Variants in PLCZ1 observed in about 807,000 individuals in gnomAD.
The protein encoded by PLCZ1 is phospholipase C zeta 1, also known as 1-phosphatidylinositol 4,5-bisphosphate phosphodiesterase zeta-1.
Under a neutral mutation model 76.8 loss-of-function variants are expected in PLCZ1, and 64 were observed. The observed-to-expected ratio is 0.83, with a 90% CI of 0.68 to 1.03. The LOEUF (loss-of-function observed/expected upper bound fraction) is 1.03. Among genes scored for constraint, PLCZ1 ranks in the 50% least tolerant of loss-of-function variants. PLCZ1 has a pLI of 0.00. For missense variants in PLCZ1, 751 were observed against 713.7 expected, an observed-to-expected ratio of 1.05 and a Z score of -0.60; for synonymous variants, 248 against 230.8, an observed-to-expected ratio of 1.07 and a Z score of -0.68.
intron 7 of PLCZ1, among the ~76,000 whole-genome samples, chr12:18,704,831 GTCTAGAACTTTTGCCACTT>G (rs778294352): frequency 3.0e-4 from 45 of 152,260 alleles, no homozygotes; most frequent in Non-Finnish European, 5.3e-4. Context: ...ACTATTTATA[GTCTAGAACTTTTGCCACTT>G]TCTAGGACTT....
chr12:18,691,850 A>G (rs189406041), intron 12 of PLCZ1, among the ~76,000 whole-genome samples: 1 of 152,270 alleles, frequency 6.6e-6, no homozygotes, highest in African/African-American at 2.4e-5. Flanking sequence ...AAAGCCAGCT[A>G]CATACTTCAC....
chr12:18,692,819 G>C (rs1954328133), intron 12 of PLCZ1: 1 of 1,554,590 alleles, frequency 6.4e-7, no homozygotes, highest in African/African-American at 1.4e-5. Flanking sequence ...AGGATGACAA[G>C]CTCTAACAAC....
At chr12:18,656,342 C>A in the PLCZ1 span, among the ~76,000 whole-genome samples, 1 of 152,270 alleles carries the variant, frequency 6.6e-6, no homozygotes, top group East Asian at 1.9e-4. Flanking sequence ...CTTTAGGAGG[C>A]TGAGGCGGGT....
At chr12:18,720,473 T>A (rs1958374941) in intron 4 of PLCZ1, among the ~76,000 whole-genome samples, 1 of 151,138 alleles carries the variant, frequency 6.6e-6, no homozygotes, top group African/African-American at 2.4e-5. Flanking sequence ...AAAATATCTA[T>A]CAAGCAGAAG....
chr12:18,667,867 G>A, the PLCZ1 span, among the ~76,000 whole-genome samples: 1 of 152,146 alleles, frequency 6.6e-6, no homozygotes, highest in Non-Finnish European at 1.5e-5. Flanking sequence ...TAAGAGGAGA[G>A]ATTCTGCCCA....
chr12:18,672,459 G>GA, the PLCZ1 span, among the ~76,000 whole-genome samples: 19 of 151,456 alleles, frequency 1.3e-4, no homozygotes, highest in African/African-American at 2.9e-4. Context: ...CAAATGACTT[G>GA]AAAAAAAACT....
intron 3 of PLCZ1, 73 bp from the exon 4 acceptor site, chr12:18,723,615 T>C (rs1958583316): frequency 2.7e-6 from 3 of 1,115,902 alleles, no homozygotes; most frequent in Non-Finnish European, 4.0e-6. Context: ...AGAGTATTTA[T>C]GTAACATGTA....
At chr12:18,706,170 T>G (rs1237900026) in intron 6 of PLCZ1, among the ~76,000 whole-genome samples, 3 of 151,508 alleles carry the variant, frequency 2.0e-5, no homozygotes, top group Non-Finnish European at 2.9e-5. Flanking sequence ...AGGTGGAGGT[T>G]GCAGTGAGCC....
the PLCZ1 span, among the ~76,000 whole-genome samples, chr12:18,655,519 A>G: frequency 2.0e-5 from 3 of 152,190 alleles, no homozygotes; most frequent in Non-Finnish European, 4.4e-5. Flanking sequence ...TTCCTTACAT[A>G]TGAGCTATGC....
the PLCZ1 span, among the ~76,000 whole-genome samples, chr12:18,657,475 C>A: frequency 6.6e-6 from 1 of 152,140 alleles, no homozygotes. Context: ...TGAAGGCATG[C>A]CTCAACATTC....
At chr12:18,667,127 A>C in the PLCZ1 span, among the ~76,000 whole-genome samples, 4 of 152,222 alleles carry the variant, frequency 2.6e-5, no homozygotes, top group African/African-American at 4.8e-5. Context: ...AAGGCATTTC[A>C]GTATATTGAA....
chr12:18,671,164 G>A, the PLCZ1 span, among the ~76,000 whole-genome samples: 1 of 149,360 alleles, frequency 6.7e-6, no homozygotes, highest in Non-Finnish European at 1.5e-5. Context: ...CCTCCAGCCC[G>A]GGTGACAGGG....
chr12:18,719,314 A>T (rs1958296836), intron 5 of PLCZ1, 117 bp downstream of exon 5: 4 of 527,100 alleles, frequency 7.6e-6, no homozygotes, highest in Non-Finnish European at 1.2e-5. Flanking sequence ...ATTCCCTATG[A>T]GTTTGGATAA....
At chr12:18,679,730 C>T (rs886333032), downstream of PLCZ1, among the ~76,000 whole-genome samples, 7 of 151,772 alleles carry the variant, frequency 4.6e-5, no homozygotes, top group Non-Finnish European at 7.4e-5. Flanking sequence ...GACTGCCCTG[C>T]GAGAAGAATG....
rs1371937280 is a variant in PLCZ1 at position 18,713,102 on chromosome 12, TA to T, written c.570-117del. The T allele has an allele frequency of 6.7e-6, 9 of 1,336,404 alleles. No individual in the cohort carries two copies. In the African/African-American group the frequency reaches 1.3e-4, roughly 20 times the overall value. The allele number at this position is 1,336,404 out of a possible 1,614,324, so 82.8% of individuals were successfully genotyped here. On this transcript the variant is annotated intron_variant, in intron 5 of 14. Coordinates refer to ENST00000266505, the MANE Select transcript of PLCZ1 (RefSeq NM_033123.4). The stretch of plus-strand genomic sequence containing the variant: ...TATAATAAATGCATAAATGAGTCCA[TA>T]AAACTCTATAAAAACTTGTCTTTGG...
At chr12:18,736,927 G>A (rs759187740) in intron 2 of PLCZ1, among the ~76,000 whole-genome samples, 5 of 151,218 alleles carry the variant, frequency 3.3e-5, no homozygotes, top group Non-Finnish European at 5.9e-5. Flanking sequence ...AAATACCATG[G>A]TGAGTGTATA....
the PLCZ1 span, among the ~76,000 whole-genome samples, chr12:18,672,628 T>G: frequency 2.0e-5 from 3 of 152,194 alleles, no homozygotes; most frequent in Non-Finnish European, 4.4e-5. Context: ...TTTGACCTTT[T>G]CTTTACTGAC....
chr12:18,663,564 A>C, the PLCZ1 span, among the ~76,000 whole-genome samples: 6 of 152,124 alleles, frequency 3.9e-5, no homozygotes, highest in Non-Finnish European at 5.9e-5. Flanking sequence ...TCCCACATTG[A>C]TACCAAAGGA....
Position 18,737,351 on chromosome 12 carries a change from CA to C in PLCZ1, c.11+9del. On this transcript the variant is annotated intron_variant, in intron 2 of 14. Coordinates refer to ENST00000266505, the MANE Select transcript of PLCZ1 (RefSeq NM_033123.4). ...AAGAAGAGGAGCAGAAAGAAGCTCT[CA>C]ATGGATATCTCATTTCCATAGTTTC... is the stretch of plus-strand genomic sequence containing the variant. 6.2e-7 allele frequency: 1 copy of C among 1,612,818 alleles called. No homozygotes were observed. Among genetic ancestry groups the C allele is most frequent in the East Asian group, 2.2e-5 (1 of 44,856 alleles).
Sources: gnomAD v4.1 joint callset for allele counts (sites outside exome capture counted in the v4.1 genomes callset) on GRCh38, gnomAD v4.1.1 for gene constraint, MANE v1.5 for transcripts, NCBI Gene and HGNC (gene_info 2026-07-23, HGNC 2026-07-21) for gene names.